The following DPP6 variants were observed in gnomAD, a reference collection of about 807,000 sequenced individuals.
DPP6 encodes A-type potassium channel modulatory protein DPP6.
Under a neutral mutation model 122.6 loss-of-function variants are expected in DPP6, and 69 were observed. The ratio of observed to expected loss-of-function variants is 0.56; its 90% CI spans 0.46 to 0.69. The LOEUF (loss-of-function observed/expected upper bound fraction) is 0.69. Ranked by LOEUF, DPP6 falls within the 30% of genes least tolerant of loss-of-function variation. DPP6 has a pLI of 0.00. For synonymous variants in DPP6, 418 were observed against 433.1 expected, an observed-to-expected ratio of 0.97 and a Z score of 0.43; for missense variants, 928 against 1,116.9, an observed-to-expected ratio of 0.83 and a Z score of 2.41.
At chr7:154,320,260 A>G (rs959817363) in intron 1 of DPP6, among the ~76,000 whole-genome samples, 10 of 152,008 alleles carry the variant, frequency 6.6e-5, no homozygotes, top group African/African-American at 2.4e-4. Flanking sequence ...GGTGCCTCTC[A>G]CTTCAGGCCG....
In DPP6 at chr7:154,062,701, A is replaced by C. The variant is rs71530497; in HGVS notation, c.243+9638A>C. 7.1e-3 allele frequency among the ~76,000 whole-genome samples: 352 copies of C among 49,618 alleles called. 20 individuals are homozygous for C. The highest frequency in any genetic ancestry group is 0.024 in the Middle Eastern group (2 of 84). The allele number at this position is 49,618 out of a possible 152,430, so 32.6% of individuals were successfully genotyped here. On this transcript the variant is annotated intron_variant, in intron 1 of 25. Transcript: ENST00000377770. ...GACTGAGAGCTATCCTCTCTTCCGC[A>C]CCTGGCTGTTGGTACCCCCATCGTA...
At chr7:154,305,790 C>T (rs564198510) in intron 1 of DPP6, among the ~76,000 whole-genome samples, 73 of 152,122 alleles carry the variant, frequency 4.8e-4, no homozygotes, top group African/African-American at 1.6e-3. Flanking sequence ...CTCTAAAGGG[C>T]GCCCTGGCTT....
intron 1 of DPP6, among the ~76,000 whole-genome samples, chr7:154,377,099 T>C (rs976389727): frequency 1.3e-5 from 2 of 152,216 alleles, no homozygotes; most frequent in African/African-American, 4.8e-5. Context: ...TTTTCTTGCA[T>C]GAACTCATAA....
At position 154,669,413 on chromosome 7, in the gene DPP6, C is replaced by A. The variant is rs1485198722; in HGVS notation, c.734C>A (p.Ala245Glu). The change falls in exon 7 of 26, where the codon GCA (alanine) becomes GAA (glutamate). Residue 245 changes from alanine to glutamate, a missense_variant. Physicochemically the swap from Ala to Glu is moderately radical, Grantham distance 107. Transcript: ENST00000377770. ...PEVSNAKLQYAGWGPKGQQLI... is the reference protein window; with the variant it reads ...PEVSNAKLQYEGWGPKGQQLI... ...GTCAGCAATGCAAAACTTCAGTATG[C>A]AGGATGGGGCCCTAAAGGCCAACAG... is the stretch of plus-strand genomic sequence containing the variant. The A allele has an allele frequency of 6.4e-7, 1 of 1,555,994 alleles. No individual in the cohort carries two copies. Among genetic ancestry groups the A allele is most frequent in the Non-Finnish European group, 8.7e-7 (1 of 1,149,164 alleles).
At chr7:154,021,943 A>G (rs1014448079) in intron 1 of DPP6, among the ~76,000 whole-genome samples, 2 of 152,186 alleles carry the variant, frequency 1.3e-5, no homozygotes, top group Non-Finnish European at 1.5e-5. Context: ...CCTACCAGCT[A>G]TCTGGGCATC....
intron 3 of DPP6, among the ~76,000 whole-genome samples, chr7:154,509,105 A>T (rs1475279438): frequency 6.6e-6 from 1 of 152,174 alleles, no homozygotes; most frequent in South Asian, 2.1e-4. Flanking sequence ...AAAAAGCAAA[A>T]ACAACAAAAG....
intron 5 of DPP6, among the ~76,000 whole-genome samples, chr7:154,575,128 G>A (rs1014798779): frequency 3.4e-4 from 50 of 145,130 alleles, no homozygotes; most frequent in Admixed American, 1.1e-3. Flanking sequence ...TGTGTGGTGT[G>A]TGTGTGGTAT....
chr7:154,393,996 G>T (rs1275147056), intron 1 of DPP6, among the ~76,000 whole-genome samples: 1 of 152,094 alleles, frequency 6.6e-6, no homozygotes, highest in Non-Finnish European at 1.5e-5. Flanking sequence ...TTTTTAGTCT[G>T]AATAGTATTC....
intron 1 of DPP6, among the ~76,000 whole-genome samples, chr7:154,442,530 C>T (rs10952481): frequency 0.19 from 29,057 of 151,656 alleles, 3,947 homozygotes; most frequent in African/African-American, 0.39. Context: ...AGTTGTAGGG[C>T]GTGTTGAGGA....
the DPP6 span, among the ~76,000 whole-genome samples, chr7:153,829,658 A>C: frequency 6.6e-6 from 1 of 152,168 alleles, no homozygotes; most frequent in Non-Finnish European, 1.5e-5. Context: ...CATTGAGAAT[A>C]CAGCTGTGAG....
chr7:154,575,315 GGTGTGT>G (rs1203072213), intron 5 of DPP6, among the ~76,000 whole-genome samples: 3 of 122,576 alleles, frequency 2.4e-5, no homozygotes, highest in East Asian at 2.8e-4. Flanking sequence ...GTATGTGTGT[GGTGTGT>G]GTATGTGTGT....
intron 1 of DPP6, among the ~76,000 whole-genome samples, chr7:154,187,775 GGTGTA>G (rs745948266): frequency 6.6e-6 from 1 of 151,934 alleles, no homozygotes; most frequent in Non-Finnish European, 1.5e-5. Context: ...TGGGGAAGAG[GGTGTA>G]GATGAAATCA....
chr7:153,927,485 T>C (rs1036039426), intron 1 of DPP6, among the ~76,000 whole-genome samples: 2 of 152,216 alleles, frequency 1.3e-5, no homozygotes, highest in Non-Finnish European at 2.9e-5. Context: ...CTGTATGGAA[T>C]TGTGTGTGTC....
chr7:154,555,289 A>T (rs1829935987), intron 4 of DPP6, among the ~76,000 whole-genome samples: 1 of 152,128 alleles, frequency 6.6e-6, no homozygotes, highest in Non-Finnish European at 1.5e-5. Flanking sequence ...TGCAGCCATA[A>T]AAAATGATGA....
At chr7:154,580,524 G>A (rs1831992443) in intron 5 of DPP6, among the ~76,000 whole-genome samples, 1 of 152,136 alleles carries the variant, frequency 6.6e-6, no homozygotes, top group African/African-American at 2.4e-5. Context: ...CTCCAGCGCT[G>A]CCGTTAGAGC....
intron 1 of DPP6, among the ~76,000 whole-genome samples, chr7:153,907,520 A>G (rs1799900290): frequency 1.3e-5 from 2 of 152,260 alleles, no homozygotes; most frequent in Admixed American, 6.5e-5. Flanking sequence ...TGCAGTGCCC[A>G]GGTACGTTGT....
At chr7:154,270,091 C>T (rs994502664) in intron 1 of DPP6, among the ~76,000 whole-genome samples, 4 of 152,104 alleles carry the variant, frequency 2.6e-5, no homozygotes, top group East Asian at 1.9e-4. Flanking sequence ...ATTTTCCCAT[C>T]GAGTTAAAGG....
intron 1 of DPP6, among the ~76,000 whole-genome samples, chr7:154,340,389 T>C (rs1256341541): frequency 1.3e-5 from 2 of 152,202 alleles, no homozygotes; most frequent in Non-Finnish European, 2.9e-5. Context: ...CAGGTGTCCA[T>C]TGGGTCCTTG....
At position 154,106,920 on chromosome 7, in the gene DPP6, A is replaced by G. The variant is rs186375660; in HGVS notation, c.243+53857A>G. Among the ~76,000 whole-genome samples, 106 of 152,262 alleles carry G rather than the reference A, an allele frequency of 7.0e-4. No homozygotes were observed. In the East Asian group the frequency reaches 0.011, roughly 16 times the overall value. On this transcript the variant is annotated intron_variant, in intron 1 of 25. Transcript: ENST00000377770. Reference sequence around the variant, plus strand: ...GAATGGATTTCACCTTGAAAAGTGAATGTGGACCATAACAAGTGTTGGCGA... The same window carrying G: ...GAATGGATTTCACCTTGAAAAGTGAGTGTGGACCATAACAAGTGTTGGCGA...
Sources: allele counts gnomAD v4.1 joint callset (sites outside exome capture counted in the v4.1 genomes callset), GRCh38; gene constraint gnomAD v4.1.1; transcripts MANE v1.5; gene names NCBI Gene and HGNC (gene_info 2026-07-23, HGNC 2026-07-21).